CD47: variants seen among roughly 807,000 people sequenced by gnomAD.
CD47 encodes the protein leukocyte surface antigen CD47.
In CD47, 11 loss-of-function variants were observed where a neutral mutation model predicts 44.6. That is an observed-to-expected ratio of 0.25 (90% CI 0.16 to 0.41). The LOEUF is 0.41. Ranked by LOEUF, CD47 falls within the 10% of genes least tolerant of loss-of-function variation. The pLI, the probability that CD47 is intolerant of heterozygous loss-of-function variation, is 1.00. For missense variants in CD47, 306 were observed against 386.7 expected (o/e 0.79, Z 1.75); for synonymous variants, 140 against 136.3 (o/e 1.03, Z -0.19).
At chr3:108,062,290 C>T (rs1440166411) in intron 3 of CD47, among the ~76,000 whole-genome samples, 2 of 152,190 alleles carry the variant, frequency 1.3e-5, no homozygotes. Context: ...TTCATAACTT[C>T]CCTATTTTCT....
intron 7 of CD47, 48 bp downstream of exon 7, chr3:108,057,429 T>C (rs762083601): frequency 2.7e-5 from 23 of 860,358 alleles, no homozygotes; most frequent in Non-Finnish European, 4.1e-5. Context: ...TTCTAAGTGA[T>C]ATATCTGAAA....
At chr3:108,051,068 C>A (rs2108221469) in intron 8 of CD47, among the ~76,000 whole-genome samples, 1 of 152,300 alleles carries the variant, frequency 6.6e-6, no homozygotes, top group Non-Finnish European at 1.5e-5. Flanking sequence ...AGCTATGGCA[C>A]CAATCTTTCT....
At chr3:108,051,088 C>T (rs1237562056) in intron 8 of CD47, among the ~76,000 whole-genome samples, 1 of 152,120 alleles carries the variant, frequency 6.6e-6, no homozygotes, top group Non-Finnish European at 1.5e-5. Context: ...TAGAATATAC[C>T]CCTGTGGTAG....
At chr3:108,060,050 G>T (rs181097980) in intron 4 of CD47, among the ~76,000 whole-genome samples, 1 of 152,136 alleles carries the variant, frequency 6.6e-6, no homozygotes, top group Non-Finnish European at 1.5e-5. Context: ...TTCTTTACAT[G>T]TGCTACATAT....
intron 3 of CD47, among the ~76,000 whole-genome samples, chr3:108,067,296 T>C (rs2079120099): frequency 1.3e-5 from 2 of 152,274 alleles, no homozygotes; most frequent in South Asian, 2.1e-4. Flanking sequence ...TGAAGATTGT[T>C]TTGCAGAATT....
intron 3 of CD47, among the ~76,000 whole-genome samples, chr3:108,068,020 TGA>T: frequency 6.6e-6 from 1 of 152,256 alleles, no homozygotes; most frequent in Non-Finnish European, 1.5e-5. Flanking sequence ...GAAAAACCAC[TGA>T]GAGAAATCCC....
intron 2 of CD47, among the ~76,000 whole-genome samples, chr3:108,072,286 A>G (rs2079217327): frequency 6.6e-6 from 1 of 152,194 alleles, no homozygotes; most frequent in South Asian, 2.1e-4. Context: ...ACTTCTTTCA[A>G]ATTCTACCAC....
At chr3:108,060,377 G>A (rs1260793304) in intron 4 of CD47, among the ~76,000 whole-genome samples, 1 of 152,184 alleles carries the variant, frequency 6.6e-6, no homozygotes, top group Non-Finnish European at 1.5e-5. Flanking sequence ...GAGGCTGAGG[G>A]AGATTTAACA....
Position 108,043,296 on chromosome 3 carries a change from A to G in CD47, c.*3992T>C, listed in dbSNP as rs564053115. ...TAGCAGCAATAGAAATAGCCCAACAAAATAGCTTAAAATGTTTTATTAAGT... is the reference window on the plus strand; with the variant it reads ...TAGCAGCAATAGAAATAGCCCAACAGAATAGCTTAAAATGTTTTATTAAGT... On this transcript the variant is annotated 3_prime_UTR_variant, in exon 11 of 11. Transcript: ENST00000361309. The G allele has an allele frequency of 2.4e-4, 37 of 152,674 alleles. No homozygotes were observed. In the East Asian group the frequency reaches 6.7e-3, roughly 28 times the overall value. The allele number at this position is 152,674 out of a possible 1,614,324, so 9.5% of individuals were successfully genotyped here. A position where few individuals can be genotyped will look rare whatever the true frequency, so the allele number is the denominator to read the frequency against.
rs2078706723 is a variant in CD47 at position 108,045,459 on chromosome 3, T to C, written c.*1829A>G. Reference sequence around the variant, plus strand: ...GTATAAAGGAATACAGCTCCCTCTATATATGTTATTATTTTGGACAGCTAC... The same window carrying C: ...GTATAAAGGAATACAGCTCCCTCTACATATGTTATTATTTTGGACAGCTAC... On this transcript the variant is annotated 3_prime_UTR_variant, in exon 11 of 11. Coordinates refer to ENST00000361309, the MANE Select transcript of CD47 (RefSeq NM_001777.4). 6.6e-6 allele frequency: 1 copy of C among 152,610 alleles called. No homozygotes were observed. The allele number at this position is 152,610 out of a possible 1,614,324, so 9.5% of individuals were successfully genotyped here.
chr3:108,076,811 G>A (rs1221382033), intron 2 of CD47, among the ~76,000 whole-genome samples: 1 of 152,152 alleles, frequency 6.6e-6, no homozygotes, highest in Non-Finnish European at 1.5e-5. Flanking sequence ...CACATGGTAG[G>A]CACTTAGTAA....
intron 7 of CD47, chr3:108,052,514 T>C (rs1260092677): frequency 6.5e-6 from 1 of 153,082 alleles, no homozygotes; most frequent in Non-Finnish European, 1.5e-5. Flanking sequence ...TATCTATTTC[T>C]TCTTAGCTTT....
chr3:108,052,491 C>G, intron 7 of CD47: 1 of 155,220 alleles, frequency 6.4e-6, no homozygotes, highest in Non-Finnish European at 1.4e-5. Context: ...TCAGATAGCT[C>G]TGAGTATTCC....
chr3:108,085,423 T>C (rs1225509389), intron 1 of CD47, among the ~76,000 whole-genome samples: 8 of 152,162 alleles, frequency 5.3e-5, no homozygotes, highest in African/African-American at 7.2e-5. Context: ...CATAGAGATA[T>C]TGTTAAGATT....
intron 7 of CD47, among the ~76,000 whole-genome samples, chr3:108,056,414 A>G (rs1349602474): frequency 6.6e-6 from 1 of 152,224 alleles, no homozygotes; most frequent in African/African-American, 2.4e-5. Flanking sequence ...ATTAACAATC[A>G]TCAAGAACCA....
rs371655338 is a variant in CD47, at chr3:108,051,942, A to G, written c.906T>C (p.Pro302=). The G allele has an allele frequency of 1.5e-5, 23 of 1,491,856 alleles. No homozygotes were observed. Among genetic ancestry groups the G allele is most frequent in the Non-Finnish European group, 2.1e-5 (23 of 1,071,580 alleles). 92.4% of individuals were successfully genotyped at this position (1,491,856 alleles called of 1,614,324 possible). The stretch of plus-strand genomic sequence containing the variant: ...CATTTAATAAACTTTAACTTACCCT[A>G]GGAGGTTGTATAGTCTTCTGATTGG... The part of the protein sequence containing the change: ...VASNQKTIQP[P]RKAVEEPLNA... The change falls in exon 8 of 11, where the codon CCT becomes CCC. Residue 302 remains proline (P), a synonymous_variant. Transcript: ENST00000361309.
intron 2 of CD47, among the ~76,000 whole-genome samples, chr3:108,075,404 G>A (rs901746373): frequency 6.6e-6 from 1 of 152,038 alleles, no homozygotes; most frequent in Non-Finnish European, 1.5e-5. Flanking sequence ...TATCAACAAA[G>A]TGTCTCCTTC....
intron 3 of CD47, among the ~76,000 whole-genome samples, chr3:108,064,683 A>G (rs1452237212): frequency 6.6e-6 from 1 of 152,192 alleles, no homozygotes; most frequent in African/African-American, 2.4e-5. Context: ...ATGCCTGCCC[A>G]AAGACATGAC....
chr3:108,064,906 C>G (rs1404593181), intron 3 of CD47, among the ~76,000 whole-genome samples: 1 of 152,154 alleles, frequency 6.6e-6, no homozygotes, highest in Non-Finnish European at 1.5e-5. Flanking sequence ...GCACATCAGA[C>G]ACCTTTACAC....
Sources: gnomAD v4.1 joint callset for allele counts (sites outside exome capture counted in the v4.1 genomes callset) on GRCh38, gnomAD v4.1.1 for gene constraint, MANE v1.5 for transcripts, NCBI Gene and HGNC (gene_info 2026-07-23, HGNC 2026-07-21) for gene names.